Variants in HCN1 observed in about 807,000 individuals in gnomAD.
HCN1 encodes potassium/sodium hyperpolarization-activated cyclic nucleotide-gated channel 1.
HCN1 carries 13 observed loss-of-function variants against 78.9 expected under a neutral mutation model. That is an observed-to-expected ratio of 0.16 (90% confidence interval 0.11 to 0.26). The LOEUF is 0.26. Among genes scored for constraint, HCN1 ranks in the 10% least tolerant of loss-of-function variants. HCN1 has a pLI of 1.00. For missense variants in HCN1, 810 were observed against 1,154.3 expected, an observed-to-expected ratio of 0.70 and a Z score of 4.32; for synonymous variants, 552 against 455.5, an observed-to-expected ratio of 1.21 and a Z score of -2.70.
intron 6 of HCN1, among the ~76,000 whole-genome samples, chr5:45,269,523 G>A (rs1324329635): frequency 6.6e-6 from 1 of 152,004 alleles, no homozygotes; most frequent in African/African-American, 2.4e-5. Flanking sequence ...AAAAAACTCT[G>A]GTAATGTTGC....
chr5:45,475,980 G>A lies in HCN1; in HGVS notation c.850-13973C>T, dbSNP rs147446991. 1.6e-3 allele frequency among the ~76,000 whole-genome samples: 245 copies of A among 152,156 alleles called. 1 individual carries two copies. Among genetic ancestry groups the A allele is most frequent in the African/African-American group, 5.5e-3 (227 of 41,538 alleles). Reference sequence around the variant, plus strand: ...GTTGCATATACAGAATAACATAGACGATAGAACTTTTAGCATTACATTTTA... The same window carrying A: ...GTTGCATATACAGAATAACATAGACAATAGAACTTTTAGCATTACATTTTA... On this transcript the variant is annotated intron_variant, in intron 2 of 7. Coordinates refer to ENST00000303230, the MANE Select transcript of HCN1 (RefSeq NM_021072.4).
intron 6 of HCN1, among the ~76,000 whole-genome samples, chr5:45,288,681 G>T (rs1485611110): frequency 6.6e-6 from 1 of 152,010 alleles, no homozygotes; most frequent in African/African-American, 2.4e-5. Flanking sequence ...TAGAAAGAAA[G>T]AATCAGGCAT....
intron 4 of HCN1, among the ~76,000 whole-genome samples, chr5:45,377,487 T>TTTTTACACAATCAC (rs1747708221): frequency 6.6e-6 from 1 of 152,000 alleles, no homozygotes; most frequent in South Asian, 2.1e-4. Context: ...AGGGGGCTGT[T>TTTTTACACAATCAC]TTTTACACAA....
intron 4 of HCN1, among the ~76,000 whole-genome samples, chr5:45,388,446 T>C (rs1203447907): frequency 1.3e-5 from 2 of 152,176 alleles, no homozygotes; most frequent in Non-Finnish European, 2.9e-5. Flanking sequence ...CCTGCACAGC[T>C]TCAAACATGC....
At chr5:45,274,899 T>C (rs1381513734) in intron 6 of HCN1, among the ~76,000 whole-genome samples, 1 of 152,220 alleles carries the variant, frequency 6.6e-6, no homozygotes, top group African/African-American at 2.4e-5. Context: ...ATAATCTTTA[T>C]ACTAAACTAT....
At chr5:45,478,168 T>C (rs1383142019) in intron 2 of HCN1, among the ~76,000 whole-genome samples, 1 of 151,972 alleles carries the variant, frequency 6.6e-6, no homozygotes, top group Non-Finnish European at 1.5e-5. Context: ...AAAATTCATA[T>C]ACTTTGAAAT....
chr5:45,612,511 A>T (rs1437495646), intron 2 of HCN1, among the ~76,000 whole-genome samples: 1 of 152,154 alleles, frequency 6.6e-6, no homozygotes, highest in Non-Finnish European at 1.5e-5. Context: ...ATACTTTTTT[A>T]TGCAATCCCA....
At chr5:45,535,223 A>G (rs1398636085) in intron 2 of HCN1, among the ~76,000 whole-genome samples, 1 of 152,224 alleles carries the variant, frequency 6.6e-6, no homozygotes, top group African/African-American at 2.4e-5. Context: ...AAACATAAGA[A>G]ATATGTTTGG....
chr5:45,323,424 T>C (rs1283991167), intron 5 of HCN1, among the ~76,000 whole-genome samples: 2 of 151,908 alleles, frequency 1.3e-5, no homozygotes, highest in African/African-American at 2.4e-5. Flanking sequence ...CAGTAAGCAC[T>C]GCTGTAGAAC....
chr5:45,470,278 A>C (rs1296594402), intron 2 of HCN1, among the ~76,000 whole-genome samples: 1 of 151,990 alleles, frequency 6.6e-6, no homozygotes, highest in Non-Finnish European at 1.5e-5. Flanking sequence ...TCCAAAAGAA[A>C]TCACTAAGTA....
intron 1 of HCN1, among the ~76,000 whole-genome samples, chr5:45,657,350 C>T (rs1373845696): frequency 6.6e-6 from 1 of 152,112 alleles, no homozygotes; most frequent in Non-Finnish European, 1.5e-5. Context: ...GTCCTATCTT[C>T]TTTCATCCTT....
intron 2 of HCN1, chr5:45,643,758 T>C (rs1745497433): frequency 6.6e-6 from 1 of 152,148 alleles, no homozygotes; most frequent in African/African-American, 2.4e-5. Flanking sequence ...CTAATATATG[T>C]AAAGAATCAA....
chr5:45,691,069 T>A (rs184462625), intron 1 of HCN1, among the ~76,000 whole-genome samples: 141 of 152,230 alleles, frequency 9.3e-4, no homozygotes, highest in Non-Finnish European at 1.7e-3. Context: ...ATACTATTTA[T>A]CTTGCTTTGT....
chr5:45,406,548 A>T (rs1739928084), intron 3 of HCN1, among the ~76,000 whole-genome samples: 1 of 152,192 alleles, frequency 6.6e-6, no homozygotes, highest in South Asian at 2.1e-4. Context: ...GAATTCAATC[A>T]CAGATCTGTC....
intron 3 of HCN1, among the ~76,000 whole-genome samples, chr5:45,441,549 C>G (rs1213918218): frequency 6.6e-6 from 1 of 152,136 alleles, no homozygotes; most frequent in Non-Finnish European, 1.5e-5. Flanking sequence ...AATACTCTAC[C>G]AAATCTTTTT....
At chr5:45,276,859 C>G (rs1340431271) in intron 6 of HCN1, among the ~76,000 whole-genome samples, 1 of 151,830 alleles carries the variant, frequency 6.6e-6, no homozygotes, top group East Asian at 1.9e-4. Flanking sequence ...ATTACACAAA[C>G]TATGGGGATG....
chr5:45,588,697 C>T (rs948507023), intron 2 of HCN1, among the ~76,000 whole-genome samples: 1 of 152,150 alleles, frequency 6.6e-6, no homozygotes, highest in African/African-American at 2.4e-5. Flanking sequence ...AGGACTTCAC[C>T]GACTACTCAC....
intron 1 of HCN1, among the ~76,000 whole-genome samples, chr5:45,671,498 A>G (rs1746150551): frequency 6.6e-6 from 1 of 151,186 alleles, no homozygotes; most frequent in Non-Finnish European, 1.5e-5. Context: ...TTCATGCCTT[A>G]CTCTTGTTTG....
intron 4 of HCN1, among the ~76,000 whole-genome samples, chr5:45,395,797 T>A (rs567041097): frequency 6.6e-6 from 1 of 152,314 alleles, no homozygotes; most frequent in South Asian, 2.1e-4. Flanking sequence ...AGAATATTAG[T>A]ACTGTCCCAA....
Sources: allele counts gnomAD v4.1 joint callset (sites outside exome capture counted in the v4.1 genomes callset), GRCh38; gene constraint gnomAD v4.1.1; transcripts MANE v1.5; gene names NCBI Gene and HGNC (gene_info 2026-07-23, HGNC 2026-07-21).